Variants in DOCK8 observed in about 807,000 individuals in gnomAD.
DOCK8 encodes dedicator of cytokinesis 8.
DOCK8 carries 141 observed loss-of-function variants against 245.6 expected under a neutral mutation model. The observed-to-expected ratio is 0.57, with a 90% CI of 0.50 to 0.66. The LOEUF (loss-of-function observed/expected upper bound fraction) is 0.66, where lower values mean the gene tolerates loss of function less well. Among genes scored for constraint, DOCK8 ranks in the 30% least tolerant of loss-of-function variants. The pLI is 0.00. For synonymous variants in DOCK8, 1,168 were observed against 970.2 expected, an observed-to-expected ratio of 1.20 and a Z score of -3.79; for missense variants, 2,965 against 2,603.4, an observed-to-expected ratio of 1.14 and a Z score of -3.02.
intron 2 of DOCK8, among the ~76,000 whole-genome samples, chr9:277,461 GA>G (rs2048394964): frequency 1.6e-5 from 1 of 63,770 alleles, no homozygotes; most frequent in African/African-American, 7.6e-5. Context: ...GAGAAAGAGA[GA>G]AGAGAAGAGA....
At chr9:325,049 C>G (rs1235221975) in intron 7 of DOCK8, among the ~76,000 whole-genome samples, 1 of 152,128 alleles carries the variant, frequency 6.6e-6, no homozygotes, top group Non-Finnish European at 1.5e-5. Flanking sequence ...AGCTTAGCTC[C>G]CACTAACATA....
At chr9:450,362 G>T (rs941792232) in intron 45 of DOCK8, among the ~76,000 whole-genome samples, 1 of 152,174 alleles carries the variant, frequency 6.6e-6, no homozygotes, top group Non-Finnish European at 1.5e-5. Flanking sequence ...TCAGTCAGCA[G>T]ATGAACCCAG....
chr9:379,963 G>C (rs937068167), intron 21 of DOCK8, 28 bp downstream of exon 21: 1 of 1,608,574 alleles, frequency 6.2e-7, no homozygotes, highest in South Asian at 1.1e-5. Flanking sequence ...GTGGGACTCT[G>C]GTGGGCGGGG....
intron 16 of DOCK8, 147 bp from the exon 17 acceptor site, chr9:371,281 G>T (rs2053273977): frequency 1.2e-6 from 1 of 857,332 alleles, no homozygotes; most frequent in African/African-American, 1.7e-5. Flanking sequence ...TGGTCTCAGG[G>T]ACTTCCAGCT....
At chr9:362,092 A>T (rs980546498) in intron 14 of DOCK8, among the ~76,000 whole-genome samples, 4 of 152,206 alleles carry the variant, frequency 2.6e-5, no homozygotes, top group African/African-American at 9.6e-5. Flanking sequence ...AAATATTTTC[A>T]GATTACAGAA....
chr9:231,272 G>A (rs2047110430), intron 1 of DOCK8, among the ~76,000 whole-genome samples: 1 of 152,048 alleles, frequency 6.6e-6, no homozygotes, highest in African/African-American at 2.4e-5. Flanking sequence ...TCTCTGTTTT[G>A]GTACCAGTAC....
intron 1 of DOCK8, among the ~76,000 whole-genome samples, chr9:254,474 TC>T (rs2047723228): frequency 6.6e-6 from 1 of 152,224 alleles, no homozygotes; most frequent in Non-Finnish European, 1.5e-5. Flanking sequence ...CTTTTATTTT[TC>T]CTGTGAAAAT....
At chr9:222,728 C>T (rs2046911831) in intron 1 of DOCK8, among the ~76,000 whole-genome samples, 1 of 152,148 alleles carries the variant, frequency 6.6e-6, no homozygotes, top group African/African-American at 2.4e-5. Flanking sequence ...TATCCTTTTT[C>T]ACTTTCTGCT....
At chr9:243,476 G>C (rs1252019681) in intron 1 of DOCK8, among the ~76,000 whole-genome samples, 1 of 152,152 alleles carries the variant, frequency 6.6e-6, no homozygotes, top group Non-Finnish European at 1.5e-5. Flanking sequence ...AATTTCAGAT[G>C]CAAAGTGGAA....
chr9:264,037 C>T (rs535318953), intron 1 of DOCK8, among the ~76,000 whole-genome samples: 1 of 152,286 alleles, frequency 6.6e-6, no homozygotes, highest in East Asian at 1.9e-4. Flanking sequence ...TTCATCTCTC[C>T]TCCTCCTTTG....
intron 12 of DOCK8, 134 bp from the exon 13 acceptor site, chr9:338,872 C>A (rs1489845097): frequency 4.1e-6 from 3 of 729,866 alleles, no homozygotes. Flanking sequence ...GATTTCAGAG[C>A]TGTCTATAAT....
At chr9:255,036 A>G (rs1021808738) in intron 1 of DOCK8, among the ~76,000 whole-genome samples, 1 of 152,190 alleles carries the variant, frequency 6.6e-6, no homozygotes, top group African/African-American at 2.4e-5. Context: ...CTGCAAGGGA[A>G]TTGTTCAAAG....
intron 24 of DOCK8, among the ~76,000 whole-genome samples, chr9:393,166 A>G (rs748068313): frequency 6.6e-6 from 1 of 151,854 alleles, no homozygotes; most frequent in Non-Finnish European, 1.5e-5. Context: ...TGGATAATTC[A>G]TACAAATAAT....
intron 4 of DOCK8, among the ~76,000 whole-genome samples, chr9:298,642 T>TG (rs1326151047): frequency 6.6e-6 from 1 of 151,876 alleles, no homozygotes; most frequent in East Asian, 1.9e-4. Context: ...TGTGTGTGTG[T>TG]GTGTGTGTGT....
Position 406,965 on chromosome 9 carries a change from G to C in DOCK8, c.3426G>C (p.Lys1142Asn). The stretch of plus-strand genomic sequence containing the variant: ...CCTGCTCCAGCTTCCAGGACCAGAA[G>C]ATCGCCAGCATGTTCGATCTGACTT... ...SSSCSSFQDQKIASMFDLTSE... is the reference protein window; with the variant it reads ...SSSCSSFQDQNIASMFDLTSE... Residue 1142 changes from lysine to asparagine, a missense_variant, in exon 28 of 48, where the codon AAG becomes AAC. Coordinates refer to ENST00000432829, the MANE Select transcript of DOCK8 (RefSeq NM_203447.4). 1 of 1,614,132 alleles carries C rather than the reference G, an allele frequency of 6.2e-7. No homozygotes were observed. Among genetic ancestry groups the C allele is most frequent in the Non-Finnish European group, 8.5e-7 (1 of 1,180,022 alleles).
At chr9:252,772 T>C (rs2047679981) in intron 1 of DOCK8, among the ~76,000 whole-genome samples, 2 of 148,582 alleles carry the variant, frequency 1.3e-5, no homozygotes, top group African/African-American at 4.9e-5. Flanking sequence ...CACTCCAGCC[T>C]GGGCAACAGA....
chr9:332,106 G>T (rs937365497), intron 9 of DOCK8, among the ~76,000 whole-genome samples: 2 of 152,044 alleles, frequency 1.3e-5, no homozygotes, highest in African/African-American at 2.4e-5. Flanking sequence ...ATACACATAA[G>T]CAATGGGAAG....
chr9:276,497 T>A lies in DOCK8; in HGVS notation c.156+4768T>A, dbSNP rs796152450. Among the ~76,000 whole-genome samples, 17 of 152,264 alleles carry A rather than the reference T, an allele frequency of 1.1e-4. No homozygotes were observed. The South Asian group carries it at 3.5e-3, about 32-fold the overall frequency. ...CATTTTCTAAGTAGATAAAATATTT[T>A]CAAATTTTGCATTTTTTAGTATGAA... is the stretch of plus-strand genomic sequence containing the variant. On this transcript the variant is annotated intron_variant, in intron 2 of 47. Transcript: ENST00000432829.
chr9:370,528 T>G (rs966554202), intron 16 of DOCK8, among the ~76,000 whole-genome samples: 11 of 152,222 alleles, frequency 7.2e-5, no homozygotes, highest in Non-Finnish European at 1.5e-4. Flanking sequence ...TTTTGACTTT[T>G]CCAGAAGCTT....
Sources: allele counts gnomAD v4.1 joint callset (sites outside exome capture counted in the v4.1 genomes callset), GRCh38; gene constraint gnomAD v4.1.1; transcripts MANE v1.5; gene names NCBI Gene and HGNC (gene_info 2026-07-23, HGNC 2026-07-21).